Variants in CORT observed in about 807,000 individuals in gnomAD.
CORT encodes the protein cortistatin.
In CORT, 2 loss-of-function variants were observed where a neutral mutation model predicts 4.4. The observed-to-expected ratio is 0.46, with a 90% CI of 0.19 to 1.44. The LOEUF is 1.44. Among genes scored for constraint, CORT ranks in the 40% most tolerant of loss-of-function variants. CORT has a pLI of 0.26. For missense variants in CORT, 158 were observed against 140.2 expected (o/e 1.13, Z -0.64); for synonymous variants, 72 against 62.0 (o/e 1.16, Z -0.75).
Position 10,451,880 on chromosome 1 carries a change from T to G in CORT, c.*285T>G. Reference sequence around the variant, plus strand: ...GGGAAGCTCTGTCTTTGATTTAAAATAAAATAGCTAAAGGCTACACAATTA... The same window carrying G: ...GGGAAGCTCTGTCTTTGATTTAAAAGAAAATAGCTAAAGGCTACACAATTA... On this transcript the variant is annotated 3_prime_UTR_variant, in exon 2 of 2. Transcript: ENST00000377049. The G allele has an allele frequency of 3.6e-6, 1 of 276,862 alleles. No homozygotes were observed. The highest frequency in any genetic ancestry group is 6.6e-6 in the Non-Finnish European group (1 of 151,434). The allele number at this position is 276,862 out of a possible 1,614,324, so 17.2% of individuals were successfully genotyped here. A position where few individuals can be genotyped will look rare whatever the true frequency, so the allele number is the denominator to read the frequency against.
At position 10,451,417 on chromosome 1, in the gene CORT, T is replaced by A. The variant is rs1167436361; in HGVS notation, c.140T>A (p.Leu47Gln). The change falls in exon 2 of 2, where the codon CTG becomes CAG. Residue 47 changes from leucine (L) to glutamine (Q), a missense_variant. By Grantham distance (113) the Leu-to-Gln change is moderately radical. Transcript: ENST00000377049. ...GCAGGAATAAGGAAAAGCAGCCTCC[T>A]GACTTTCCTCGCTTGGTGGTTTGAG... ...EAAGIRKSSL[L>Q]TFLAWWFEWT... 1 of 1,613,422 alleles carries A rather than the reference T, an allele frequency of 6.2e-7. No individual in the cohort carries two copies. Among genetic ancestry groups the A allele is most frequent in the Non-Finnish European group, 8.5e-7 (1 of 1,179,648 alleles).
rs76343728 is a variant in CORT, at chr1:10,451,817, G to A, written c.*222G>A. ...GGTTCGACTGGACTGTGCTGAGTGCGGGCACTGGGCTTTTCTTCTGATGTT... is the reference window on the plus strand; with the variant it reads ...GGTTCGACTGGACTGTGCTGAGTGCAGGCACTGGGCTTTTCTTCTGATGTT... On this transcript the variant is annotated 3_prime_UTR_variant, in exon 2 of 2. Coordinates refer to ENST00000377049, the MANE Select transcript of CORT (RefSeq NM_001302.5). The A allele has an allele frequency of 1.0e-3, 609 of 580,820 alleles. 5 individuals carry two copies. Among genetic ancestry groups the A allele is most frequent in the African/African-American group, 0.01 (524 of 51,864 alleles). 36.0% of individuals were successfully genotyped at this position (580,820 alleles called of 1,614,324 possible).
rs1280388014 is a variant in CORT at position 10,451,458 on chromosome 1, A to G, written c.181A>G (p.Ser61Gly). The G allele has an allele frequency of 3.1e-6, 5 of 1,614,136 alleles. No homozygotes were observed. In the South Asian group the frequency reaches 4.4e-5, roughly 14 times the overall value. ...AWWFEWTSQA[S>G]AGPLIGEEAR... ...GTGGTTTGAGTGGACCTCCCAGGCC[A>G]GTGCCGGGCCCCTCATAGGAGAGGA... Residue 61 changes from serine to glycine, a missense_variant, in exon 2 of 2, where the codon AGT becomes GGT. Coordinates refer to ENST00000377049, the MANE Select transcript of CORT (RefSeq NM_001302.5).
Position 10,450,155 on chromosome 1 carries a change from T to C in CORT, c.-69T>C. 6.2e-7 allele frequency: 1 copy of C among 1,610,104 alleles called. No homozygotes were observed. The highest frequency in any genetic ancestry group is 8.5e-7 in the Non-Finnish European group (1 of 1,178,404). On this transcript the variant is annotated 5_prime_UTR_variant, in exon 1 of 2. Transcript: ENST00000377049. ...AGAAGAGACCCAAGTCCCCAAAACATTGATTTCAGGGCTGCCAGGAAGGAA... is the reference window on the plus strand; with the variant it reads ...AGAAGAGACCCAAGTCCCCAAAACACTGATTTCAGGGCTGCCAGGAAGGAA...
Position 10,451,388 on chromosome 1 carries a change from AG to A in CORT, c.112del (p.Ala38ArgfsTer4). On this transcript the variant is annotated frameshift_variant, in exon 2 of 2. Transcript: ENST00000377049. LOFTEE classifies it low-confidence loss of function (END_TRUNC). ...TGRDSEHMQE[A>X]AGIRKSSLLT... The stretch of plus-strand genomic sequence containing the variant: ...CTTCTCTTTAAAAGCATATGCAGGA[AG>A]CGGCAGGAATAAGGAAAAGCAGCCT... 18 of 1,608,718 alleles carry A rather than the reference AG, an allele frequency of 1.1e-5. No individual in the cohort carries two copies. The highest frequency in any genetic ancestry group is 1.4e-5 in the Non-Finnish European group (17 of 1,177,472).
In CORT at chr1:10,450,243, T is replaced by G. The variant is rs758276462; in HGVS notation, c.20T>G (p.Leu7Arg). ...CACAAGATGCCATTGTCCCCCGGCCTCCTGCTGCTGCTGCTCTCCGGGGCC... is the reference window on the plus strand; with the variant it reads ...CACAAGATGCCATTGTCCCCCGGCCGCCTGCTGCTGCTGCTCTCCGGGGCC... The part of the protein sequence containing the change: MPLSPG[L>R]LLLLLSGATA... Residue 7 changes from leucine (L) to arginine (R), a missense_variant, in exon 1 of 2, where the codon CTC becomes CGC. Physicochemically the swap from Leu to Arg is moderately radical, Grantham distance 102. Transcript: ENST00000377049. The G allele has an allele frequency of 1.8e-5, 29 of 1,582,300 alleles. No individual in the cohort carries two copies. Among genetic ancestry groups the G allele is most frequent in the African/African-American group, 2.7e-5 (2 of 73,724 alleles).
chr1:10,450,181 G>T lies in CORT; in HGVS notation c.-43G>T, dbSNP rs1553178772. The T allele has an allele frequency of 9.9e-6, 16 of 1,610,804 alleles. No homozygotes were observed. The highest frequency in any genetic ancestry group is 1.6e-4 in the Middle Eastern group (1 of 6,082). ...TGATTTCAGGGCTGCCAGGAAGGAA[G>T]AGCAGCAGCAGGGTGGGAGAGAAGC... On this transcript the variant is annotated 5_prime_UTR_variant, in exon 1 of 2. Transcript: ENST00000377049.
chr1:10,451,055 C>A (rs554210327), intron 1 of CORT, among the ~76,000 whole-genome samples: 2 of 152,292 alleles, frequency 1.3e-5, no homozygotes, highest in Non-Finnish European at 2.9e-5. Context: ...GATTTCCCGA[C>A]CTCTCCTAAT....
At chr1:10,450,546 C>A (rs1219301312) in intron 1 of CORT, among the ~76,000 whole-genome samples, 1 of 152,174 alleles carries the variant, frequency 6.6e-6, no homozygotes, top group Non-Finnish European at 1.5e-5. Context: ...CTGCTGGAAA[C>A]CTGTGCAGCT....
At position 10,451,728 on chromosome 1, in the gene CORT, A is replaced by AAG; in HGVS notation, c.*134_*135insGA. The AAG allele has an allele frequency of 7.4e-7, 1 of 1,358,970 alleles. No individual in the cohort carries two copies. Among genetic ancestry groups the AAG allele is most frequent in the South Asian group, 1.6e-5 (1 of 62,598 alleles). The allele number at this position is 1,358,970 out of a possible 1,614,324, so 84.2% of individuals were successfully genotyped here. On this transcript the variant is annotated 3_prime_UTR_variant, in exon 2 of 2. Transcript: ENST00000377049. ...TGTTATTTAAATTCCAATAATGCCC[A>AAG]ATACTGACGTGTCTTGAGTAATTTG...
At chr1:10,450,577 G>A (rs1640754718) in intron 1 of CORT, among the ~76,000 whole-genome samples, 1 of 152,196 alleles carries the variant, frequency 6.6e-6, no homozygotes, top group Non-Finnish European at 1.5e-5. Context: ...CCTCCGTCGG[G>A]TGTCTGGGAA....
chr1:10,451,530 T>C lies in CORT; in HGVS notation c.253T>C (p.Ser85Pro), dbSNP rs766189277. ...RRQEGAPPQQ[S>P]ARRDRMPCRN... is the part of the protein sequence containing the mutation. ...GCAGGAAGGCGCACCCCCCCAGCAA[T>C]CTGCGCGCCGGGACAGAATGCCCTG... The change falls in exon 2 of 2, where the codon TCT becomes CCT. Residue 85 changes from serine (S) to proline (P), a missense_variant. By Grantham distance (74) the Ser-to-Pro change is moderately conservative. Coordinates refer to ENST00000377049, the MANE Select transcript of CORT (RefSeq NM_001302.5). The C allele has an allele frequency of 1.2e-6, 2 of 1,613,996 alleles. No individual in the cohort carries two copies. The highest frequency in any genetic ancestry group is 2.2e-5 in the South Asian group (2 of 91,072).
chr1:10,450,165 G>C lies in CORT; in HGVS notation c.-59G>C, dbSNP rs769970397. On this transcript the variant is annotated 5_prime_UTR_variant, in exon 1 of 2. Transcript: ENST00000377049. Reference sequence around the variant, plus strand: ...CAAGTCCCCAAAACATTGATTTCAGGGCTGCCAGGAAGGAAGAGCAGCAGC... The same window carrying C: ...CAAGTCCCCAAAACATTGATTTCAGCGCTGCCAGGAAGGAAGAGCAGCAGC... 8.7e-6 allele frequency: 14 copies of C among 1,610,088 alleles called. No individual in the cohort carries two copies. The highest frequency in any genetic ancestry group is 1.2e-5 in the Non-Finnish European group (14 of 1,178,480).
In CORT at chr1:10,451,628, T is replaced by C; in HGVS notation, c.*33T>C. 6.3e-7 allele frequency: 1 copy of C among 1,582,836 alleles called. No homozygotes were observed. The highest frequency in any genetic ancestry group is 8.6e-7 in the Non-Finnish European group (1 of 1,164,012). ...CCCATGAATGCTCACGCAAGTGTAA[T>C]GACAGACCTGAATAAAATGTATTAA... On this transcript the variant is annotated 3_prime_UTR_variant, in exon 2 of 2. Coordinates refer to ENST00000377049, the MANE Select transcript of CORT (RefSeq NM_001302.5).
Position 10,451,493 on chromosome 1 carries a change from G to T in CORT, c.216G>T (p.Glu72Asp), listed in dbSNP as rs367676737. Residue 72 changes from glutamate (E) to aspartate (D), a missense_variant, in exon 2 of 2, where the codon GAG becomes GAT. Physicochemically the swap from Glu to Asp is conservative, Grantham distance 45. Coordinates refer to ENST00000377049, the MANE Select transcript of CORT (RefSeq NM_001302.5). ...AGPLIGEEAR[E>D]VARRQEGAPP... The stretch of plus-strand genomic sequence containing the variant: ...CCCTCATAGGAGAGGAAGCCCGGGA[G>T]GTGGCCAGGCGGCAGGAAGGCGCAC... 3.7e-6 allele frequency: 6 copies of T among 1,613,978 alleles called. No individual in the cohort carries two copies. In the Admixed American group the frequency reaches 8.3e-5, roughly 22 times the overall value.
chr1:10,450,710 T>C (rs1470997980), intron 1 of CORT, among the ~76,000 whole-genome samples: 2 of 152,214 alleles, frequency 1.3e-5, no homozygotes, highest in Non-Finnish European at 2.9e-5. Context: ...TCATTACATT[T>C]TCCGTTGTGA....
At position 10,450,150 on chromosome 1, in the gene CORT, A is replaced by G. The variant is rs1446324625; in HGVS notation, c.-74A>G. ...TCCAAAGAAGAGACCCAAGTCCCCAAAACATTGATTTCAGGGCTGCCAGGA... is the reference window on the plus strand; with the variant it reads ...TCCAAAGAAGAGACCCAAGTCCCCAGAACATTGATTTCAGGGCTGCCAGGA... On this transcript the variant is annotated 5_prime_UTR_variant, in exon 1 of 2. Coordinates refer to ENST00000377049, the MANE Select transcript of CORT (RefSeq NM_001302.5). 3 of 1,610,376 alleles carry G rather than the reference A, an allele frequency of 1.9e-6. No homozygotes were observed. Among genetic ancestry groups the G allele is most frequent in the South Asian group, 2.2e-5 (2 of 89,846 alleles).
At chr1:10,451,240 CTT>C (rs1159567584) in intron 1 of CORT, 135 bp from the exon 2 acceptor site, 1 of 1,149,266 alleles carries the variant, frequency 8.7e-7, no homozygotes, top group African/African-American at 1.6e-5. Context: ...TTAATATTTT[CTT>C]TCTCTTTTCT....
Position 10,450,153 on chromosome 1 carries a change from CATTG to C in CORT, c.-67_-64del. ...AAAGAAGAGACCCAAGTCCCCAAAA[CATTG>C]ATTTCAGGGCTGCCAGGAAGGAAGA... is the stretch of plus-strand genomic sequence containing the variant. On this transcript the variant is annotated 5_prime_UTR_variant, in exon 1 of 2. Transcript: ENST00000377049. 6.2e-7 allele frequency: 1 copy of C among 1,610,490 alleles called. No homozygotes were observed. Among genetic ancestry groups the C allele is most frequent in the Non-Finnish European group, 8.5e-7 (1 of 1,178,634 alleles).
Sources: allele counts gnomAD v4.1 joint callset (sites outside exome capture counted in the v4.1 genomes callset), GRCh38; gene constraint gnomAD v4.1.1; transcripts MANE v1.5; gene names NCBI Gene and HGNC (gene_info 2026-07-23, HGNC 2026-07-21).